Variants in FRYL observed in about 807,000 individuals in gnomAD.
FRYL encodes the protein protein furry homolog-like.
A neutral mutation model predicts 351.2 loss-of-function variants in FRYL; 150 were observed. The ratio of observed to expected loss-of-function variants is 0.43; its 90% CI spans 0.37 to 0.49. The LOEUF (loss-of-function observed/expected upper bound fraction) is 0.49, where lower values mean the gene tolerates loss of function less well. FRYL is among the 20% of genes least tolerant of loss of function. The pLI, the probability that FRYL is intolerant of heterozygous loss-of-function variation, is 0.00. For synonymous variants in FRYL, 1,153 were observed against 1,257.1 expected (o/e 0.92, Z 1.75); for missense variants, 3,036 against 3,619.3 (o/e 0.84, Z 4.13).
At chr4:48,621,794 A>G (rs1193709800) in intron 5 of FRYL, among the ~76,000 whole-genome samples, 7 of 152,134 alleles carry the variant, frequency 4.6e-5, no homozygotes, top group African/African-American at 1.7e-4. Context: ...AAAAAGAATG[A>G]AACAGTTTAT....
intron 1 of FRYL, among the ~76,000 whole-genome samples, chr4:48,721,252 A>G (rs576721580): frequency 6.6e-6 from 1 of 152,256 alleles, no homozygotes; most frequent in African/African-American, 2.4e-5. Context: ...TCCTCTAACC[A>G]GCCCAGAATC....
chr4:48,601,228 A>G (rs911289381), intron 13 of FRYL, among the ~76,000 whole-genome samples: 5 of 152,224 alleles, frequency 3.3e-5, no homozygotes, highest in Non-Finnish European at 5.9e-5. Flanking sequence ...GAGGAATACC[A>G]GGAAATGGAA....
intron 3 of FRYL, among the ~76,000 whole-genome samples, chr4:48,675,425 G>A (rs536175361): frequency 6.6e-6 from 1 of 152,240 alleles, no homozygotes; most frequent in Non-Finnish European, 1.5e-5. Context: ...TGCCAGGCCC[G>A]GCACTCGGAG....
At chr4:48,772,954 G>C (rs909964259) in intron 1 of FRYL, among the ~76,000 whole-genome samples, 4 of 152,146 alleles carry the variant, frequency 2.6e-5, no homozygotes, top group African/African-American at 9.7e-5. Flanking sequence ...GGATGTCGTT[G>C]GTGAAAACGT....
intron 4 of FRYL, among the ~76,000 whole-genome samples, chr4:48,632,130 G>T (rs1340820572): frequency 1.2e-5 from 1 of 84,004 alleles, no homozygotes; most frequent in African/African-American, 4.8e-5. Context: ...ATATATATAT[G>T]CGCACACAAA....
chr4:48,756,953 T>C (rs535431782), intron 1 of FRYL, among the ~76,000 whole-genome samples: 4 of 152,114 alleles, frequency 2.6e-5, no homozygotes, highest in Admixed American at 1.3e-4. Context: ...GTCTCTAAGG[T>C]GAAAAATCAT....
At chr4:48,715,072 AC>A (rs1284378941) in intron 1 of FRYL, among the ~76,000 whole-genome samples, 2 of 152,258 alleles carry the variant, frequency 1.3e-5, no homozygotes, top group South Asian at 2.1e-4. Context: ...AAATTCAATA[AC>A]CCTTCATGCT....
Position 48,540,368 on chromosome 4 carries a change from G to C in FRYL, c.6280C>G (p.Pro2094Ala), listed in dbSNP as rs1729908969. Residue 2094 changes from proline (P) to alanine (A), a missense_variant, in exon 46 of 64, where the codon CCT becomes GCT. This residue lies in a region of FRYL where 1,987 missense variants were observed against 2,311.7 expected (regional missense o/e 0.86). Transcript: ENST00000358350. ...TTAACATCACCTGACAATTGGGAAGGATCCACCAATGTATGTTTGGAGACA... is the reference window on the plus strand; with the variant it reads ...TTAACATCACCTGACAATTGGGAAGCATCCACCAATGTATGTTTGGAGACA... ...ISVSKHTLVD[P>A]SQLSGFPLNI... 3.7e-6 allele frequency: 6 copies of C among 1,613,110 alleles called. No homozygotes were observed. The highest frequency in any genetic ancestry group is 5.1e-6 in the Non-Finnish European group (6 of 1,179,268).
intron 7 of FRYL, among the ~76,000 whole-genome samples, chr4:48,613,817 G>T (rs568960052): frequency 1.3e-5 from 2 of 152,074 alleles, no homozygotes; most frequent in East Asian, 3.9e-4. Flanking sequence ...TTAGCCAGGC[G>T]TGGTAGCACA....
intron 5 of FRYL, 81 bp from the exon 6 acceptor site, chr4:48,620,859 G>T: frequency 8.0e-7 from 1 of 1,243,168 alleles, no homozygotes; most frequent in Non-Finnish European, 1.1e-6. Flanking sequence ...CTATCATTTA[G>T]AAATGAATAA....
intron 1 of FRYL, among the ~76,000 whole-genome samples, chr4:48,768,283 AT>A (rs1775165976): frequency 6.6e-6 from 1 of 152,170 alleles, no homozygotes; most frequent in Non-Finnish European, 1.5e-5. Flanking sequence ...TTCTTAAAAG[AT>A]TTTTACAAAG....
At chr4:48,710,886 T>C (rs1418968462) in intron 1 of FRYL, among the ~76,000 whole-genome samples, 188 bp from the exon 2 acceptor site, 4 of 152,004 alleles carry the variant, frequency 2.6e-5, no homozygotes, top group African/African-American at 7.3e-5. Context: ...CACAAAAATA[T>C]GTATACAAAT....
intron 3 of FRYL, among the ~76,000 whole-genome samples, chr4:48,660,763 G>A (rs1400143022): frequency 6.6e-6 from 1 of 152,102 alleles, no homozygotes; most frequent in African/African-American, 2.4e-5. Context: ...GATGAGAATG[G>A]CACTTAATCT....
Position 48,531,210 on chromosome 4 carries a change from A to G in FRYL, c.6849T>C (p.Asn2283=). The part of the protein sequence containing the change: ...PEISFTKIFN[N]VSKELPGKTL... ...TCTTCCCAGGCAACTCCTTAGAAACATTATTAAAAATTTTAGTGAAGGATA... is the reference window on the plus strand; with the variant it reads ...TCTTCCCAGGCAACTCCTTAGAAACGTTATTAAAAATTTTAGTGAAGGATA... The change falls in exon 50 of 64, where the codon AAT becomes AAC. Residue 2283 remains asparagine (N), a synonymous_variant. Coordinates refer to ENST00000358350, the MANE Select transcript of FRYL (RefSeq NM_015030.2). The G allele has an allele frequency of 6.2e-7, 1 of 1,612,466 alleles. No individual in the cohort carries two copies. The highest frequency in any genetic ancestry group is 8.5e-7 in the Non-Finnish European group (1 of 1,178,538).
intron 13 of FRYL, among the ~76,000 whole-genome samples, chr4:48,596,627 A>G (rs1744645881): frequency 6.6e-6 from 1 of 152,108 alleles, no homozygotes. Flanking sequence ...GGTAAAGTTA[A>G]TATCTGTAAA....
chr4:48,648,458 G>C (rs1034677374), intron 3 of FRYL, among the ~76,000 whole-genome samples: 2 of 152,082 alleles, frequency 1.3e-5, no homozygotes, highest in Admixed American at 6.6e-5. Context: ...CTCCCAAACT[G>C]TTAACTATTT....
At chr4:48,557,778 C>A in intron 33 of FRYL, 66 bp from the exon 34 acceptor site, 1 of 1,563,494 alleles carries the variant, frequency 6.4e-7, no homozygotes, top group Admixed American at 1.8e-5. Flanking sequence ...GTAATTAATT[C>A]CAACAGATTT....
Position 48,581,239 on chromosome 4 carries a change from G to A in FRYL, c.2172+181C>T, listed in dbSNP as rs1320117163. On this transcript the variant is annotated intron_variant, in intron 21 of 63. Coordinates refer to ENST00000358350, the MANE Select transcript of FRYL (RefSeq NM_015030.2). ...TTTTATATTTTTAGTAGAGACCACC[G>A]TGTTAGCCAGGATGGTCTCGATCTC... Among the ~76,000 whole-genome samples, 3 of 151,738 alleles carry A rather than the reference G, an allele frequency of 2.0e-5. No homozygotes were observed. In the East Asian group the frequency reaches 5.8e-4, roughly 29 times the overall value.
chr4:48,713,272 A>C (rs897138921), intron 1 of FRYL, among the ~76,000 whole-genome samples: 2 of 152,194 alleles, frequency 1.3e-5, no homozygotes, highest in East Asian at 1.9e-4. Flanking sequence ...AATGTAATAA[A>C]GTCCATTTAA....
Sources: allele counts gnomAD v4.1 joint callset (sites outside exome capture counted in the v4.1 genomes callset), GRCh38; gene constraint gnomAD v4.1.1; regional missense constraint gnomAD v4.1.1; transcripts MANE v1.5; gene names NCBI Gene and HGNC (gene_info 2026-07-23, HGNC 2026-07-21).